The following PDE10A variants were observed in gnomAD, a reference collection of about 807,000 sequenced individuals.
PDE10A encodes the protein cAMP and cAMP-inhibited cGMP 3',5'-cyclic phosphodiesterase 10A.
In PDE10A, 39 loss-of-function variants were observed where a neutral mutation model predicts 97.7. The observed-to-expected ratio is 0.40, with a 90% confidence interval of 0.31 to 0.52. The LOEUF is 0.52. PDE10A is among the 20% of genes least tolerant of loss of function. The pLI is 0.56. For missense variants in PDE10A, 731 were observed against 1,047.8 expected, an observed-to-expected ratio of 0.70 and a Z score of 4.17; for synonymous variants, 371 against 376.8, an observed-to-expected ratio of 0.98 and a Z score of 0.18.
intron 18 of PDE10A, among the ~76,000 whole-genome samples, chr6:165,366,566 C>A (rs1783781902): frequency 6.6e-6 from 1 of 152,188 alleles, no homozygotes; most frequent in African/African-American, 2.4e-5. Flanking sequence ...AAAGGCAAGA[C>A]CACGTTGGGT....
At chr6:165,614,982 C>A (rs1027846264) in intron 1 of PDE10A, among the ~76,000 whole-genome samples, 2 of 151,934 alleles carry the variant, frequency 1.3e-5, no homozygotes, top group African/African-American at 4.8e-5. Context: ...GAGGCCGAGG[C>A]GGGCAGATCA....
In PDE10A at chr6:165,971,883, A is replaced by T. The variant is rs144370884; in HGVS notation, c.-615+15646T>A. Among the ~76,000 whole-genome samples the T allele has an allele frequency of 1.0e-3, 156 of 152,176 alleles. 1 individual carries two copies. The highest frequency in any genetic ancestry group is 3.5e-3 in the African/African-American group (146 of 41,514). On this transcript the variant is annotated intron_variant, in intron 1 of 19. Transcript: ENST00000366882. ...TACCTATCAAATCTAGACTACCCAG[A>T]TTTCACTCTTGAAGGGGAAAATAAA...
intron 1 of PDE10A, among the ~76,000 whole-genome samples, chr6:165,610,159 A>G (rs1787421329): frequency 6.6e-6 from 1 of 152,210 alleles, no homozygotes; most frequent in Non-Finnish European, 1.5e-5. Context: ...ACCAAAACAG[A>G]GACATAGACC....
chr6:165,804,663 G>T (rs1249618753), intron 1 of PDE10A, among the ~76,000 whole-genome samples: 1 of 152,144 alleles, frequency 6.6e-6, no homozygotes, highest in East Asian at 1.9e-4. Context: ...GGCGGGGCTG[G>T]TGGGATCAGA....
chr6:165,567,808 T>C (rs1432234443), intron 1 of PDE10A, among the ~76,000 whole-genome samples: 3 of 152,114 alleles, frequency 2.0e-5, no homozygotes, highest in African/African-American at 7.2e-5. Flanking sequence ...ATCAAAACTT[T>C]CTGAATGCAA....
intron 2 of PDE10A, among the ~76,000 whole-genome samples, chr6:165,494,470 G>A (rs1642080066): frequency 6.7e-6 from 1 of 148,742 alleles, no homozygotes; most frequent in African/African-American, 2.5e-5. Context: ...GGGGGTGTGT[G>A]TGTGTGTAAT....
chr6:165,951,817 A>G (rs1440335979), intron 1 of PDE10A, among the ~76,000 whole-genome samples: 1 of 152,118 alleles, frequency 6.6e-6, no homozygotes, highest in East Asian at 1.9e-4. Context: ...CTTTTAATAC[A>G]TGGTCCTTCT....
intron 1 of PDE10A, among the ~76,000 whole-genome samples, chr6:165,763,030 T>A (rs1793289333): frequency 1.3e-5 from 2 of 152,226 alleles, no homozygotes; most frequent in South Asian, 4.1e-4. Flanking sequence ...GGCCACAGAC[T>A]AATACATGTC....
At chr6:165,374,982 C>A (rs904972581) in intron 18 of PDE10A, among the ~76,000 whole-genome samples, 1 of 152,090 alleles carries the variant, frequency 6.6e-6, no homozygotes, top group Non-Finnish European at 1.5e-5. Flanking sequence ...ATGAATTACA[C>A]CCATATATGA....
chr6:165,872,951 C>T lies in PDE10A; in HGVS notation c.-615+114578G>A, dbSNP rs76639482. On this transcript the variant is annotated intron_variant, in intron 1 of 19. Transcript: ENST00000366882. ...CAGGAGCCAGATGTCTCAGGTGACA[C>T]CAGGCTTCAGCTCTGAAGCAGAAGC... 2.8e-3 allele frequency among the ~76,000 whole-genome samples: 433 copies of T among 152,298 alleles called. 19 individuals carry two copies. The East Asian group carries it at 0.075, about 26-fold the overall frequency.
intron 10 of PDE10A, among the ~76,000 whole-genome samples, chr6:165,423,788 A>G (rs568027957): frequency 5.9e-5 from 9 of 151,644 alleles, no homozygotes; most frequent in African/African-American, 2.2e-4. Flanking sequence ...TGGCAGAGGT[A>G]GCAGTGAGCC....
intron 1 of PDE10A, among the ~76,000 whole-genome samples, chr6:165,595,814 TG>T (rs1309109126): frequency 2.6e-5 from 4 of 152,142 alleles, no homozygotes; most frequent in Non-Finnish European, 4.4e-5. Context: ...AGCAGCATTT[TG>T]GGGCCTCTTA....
At chr6:165,642,922 G>A (rs935301474) in intron 1 of PDE10A, among the ~76,000 whole-genome samples, 9 of 151,188 alleles carry the variant, frequency 6.0e-5, no homozygotes, top group East Asian at 3.9e-4. Context: ...TTTTTTTTAC[G>A]GCAAATATGC....
intron 1 of PDE10A, among the ~76,000 whole-genome samples, chr6:165,704,605 T>G (rs1301326241): frequency 6.6e-6 from 1 of 152,012 alleles, no homozygotes; most frequent in Admixed American, 6.6e-5. Flanking sequence ...GTGTTGACCA[T>G]TAAAATGAAA....
chr6:165,435,184 T>C lies in PDE10A; in HGVS notation c.1335+53A>G, dbSNP rs574897845. 8 of 1,453,294 alleles carry C rather than the reference T, an allele frequency of 5.5e-6. No homozygotes were observed. The Admixed American group carries it at 6.0e-5, about 11-fold the overall frequency. 90.0% of individuals were successfully genotyped at this position (1,453,294 alleles called of 1,614,324 possible). A position where few individuals can be genotyped will look rare whatever the true frequency, so the allele number is the denominator to read the frequency against. ...ACATCAAAATGATATGCCATCTTTCTTAATTAAATACTTTAGGTCAAAAGT... is the reference window on the plus strand; with the variant it reads ...ACATCAAAATGATATGCCATCTTTCCTAATTAAATACTTTAGGTCAAAAGT... On this transcript the variant is annotated intron_variant, in intron 6 of 21. Coordinates refer to ENST00000539869, the MANE Select transcript of PDE10A (RefSeq NM_001385079.1).
chr6:165,522,378 G>T (rs1782180353), intron 2 of PDE10A, among the ~76,000 whole-genome samples: 2 of 152,116 alleles, frequency 1.3e-5, no homozygotes, highest in South Asian at 2.1e-4. Flanking sequence ...TATCCCTGAT[G>T]AACATAGATG....
At chr6:165,742,791 C>A (rs1186132091) in intron 1 of PDE10A, among the ~76,000 whole-genome samples, 2 of 152,116 alleles carry the variant, frequency 1.3e-5, no homozygotes, top group African/African-American at 4.8e-5. Flanking sequence ...GCTCTTCCAC[C>A]CCCTACGTCC....
At chr6:165,793,348 A>C (rs1234538000) in intron 1 of PDE10A, among the ~76,000 whole-genome samples, 1 of 152,066 alleles carries the variant, frequency 6.6e-6, no homozygotes, top group Admixed American at 6.5e-5. Flanking sequence ...CAATTTACAG[A>C]TTCCAAAATC....
At chr6:165,656,731 A>C (rs1469974907) in intron 1 of PDE10A, among the ~76,000 whole-genome samples, 1 of 152,162 alleles carries the variant, frequency 6.6e-6, no homozygotes, top group African/African-American at 2.4e-5. Context: ...GGCTTCTCGC[A>C]AAGCGAAGGC....
Sources: allele counts gnomAD v4.1 joint callset (sites outside exome capture counted in the v4.1 genomes callset), GRCh38; gene constraint gnomAD v4.1.1; transcripts MANE v1.5; gene names NCBI Gene and HGNC (gene_info 2026-07-23, HGNC 2026-07-21).